Variants in CNTNAP2 observed in about 807,000 individuals in gnomAD.
The protein encoded by CNTNAP2 is contactin associated protein 2.
Under a neutral mutation model 155.2 loss-of-function variants are expected in CNTNAP2, and 98 were observed. The ratio of observed to expected loss-of-function variants is 0.63; its 90% CI spans 0.54 to 0.75. The LOEUF (loss-of-function observed/expected upper bound fraction) is 0.75, where lower values mean the gene tolerates loss of function less well. Among genes scored for constraint, CNTNAP2 ranks in the 30% least tolerant of loss-of-function variants. The pLI, the probability that CNTNAP2 is intolerant of heterozygous loss-of-function variation, is 0.00. For synonymous variants in CNTNAP2, 651 were observed against 631.2 expected, an observed-to-expected ratio of 1.03 and a Z score of -0.47; for missense variants, 1,727 against 1,688.1, an observed-to-expected ratio of 1.02 and a Z score of -0.40.
chr7:147,813,030 A>G (rs1798205911), intron 13 of CNTNAP2, among the ~76,000 whole-genome samples: 1 of 152,194 alleles, frequency 6.6e-6, no homozygotes, highest in Non-Finnish European at 1.5e-5. Context: ...ATTTAATTAA[A>G]CCACAGAATC....
chr7:147,251,072 G>A (rs781520299), intron 8 of CNTNAP2, among the ~76,000 whole-genome samples: 8 of 152,046 alleles, frequency 5.3e-5, no homozygotes, highest in Non-Finnish European at 1.2e-4. Flanking sequence ...CCAGGTGTTC[G>A]GCTAACCAAT....
chr7:147,497,590 C>T (rs190698923), intron 11 of CNTNAP2, among the ~76,000 whole-genome samples: 130 of 152,282 alleles, frequency 8.5e-4, no homozygotes, highest in African/African-American at 3.0e-3. Context: ...AAAATGCCTC[C>T]CATTTGTATT....
intron 3 of CNTNAP2, among the ~76,000 whole-genome samples, chr7:146,941,187 C>T (rs374668300): frequency 2.9e-4 from 44 of 152,102 alleles, no homozygotes; most frequent in African/African-American, 1.1e-3. Context: ...ATTCTTTCTT[C>T]TTCTCTTACT....
chr7:148,001,668 G>A (rs1399792827), intron 15 of CNTNAP2, among the ~76,000 whole-genome samples: 4 of 152,182 alleles, frequency 2.6e-5, no homozygotes, highest in African/African-American at 9.7e-5. Context: ...ATACATTAAT[G>A]TGCATCTTAA....
rs144494494 is a variant in CNTNAP2, at chr7:148,349,050, G to T, written c.3476-34599G>T. 4.1e-3 allele frequency among the ~76,000 whole-genome samples: 622 copies of T among 152,172 alleles called. 3 individuals carry two copies. Among genetic ancestry groups the T allele is most frequent in the African/African-American group, 0.014 (588 of 41,500 alleles). ...TGGGTGCTGGGGATAGATAGGCCAG[G>T]GAAGAAAGATTCGAAGCCCCTGCTT... On this transcript the variant is annotated intron_variant, in intron 21 of 23. Coordinates refer to ENST00000361727, the MANE Select transcript of CNTNAP2 (RefSeq NM_014141.6).
chr7:146,676,957 G>C (rs1800408856), intron 1 of CNTNAP2, among the ~76,000 whole-genome samples: 1 of 152,172 alleles, frequency 6.6e-6, no homozygotes, highest in South Asian at 2.1e-4. Context: ...ACACTAAAAA[G>C]TATCCAAGAC....
rs187004934 is a variant in CNTNAP2 at position 148,388,233 on chromosome 7, C to T, written c.3715+4345C>T. ...TATGTATACATGTGCCATGCTGGTA[C>T]GCTGCACCCACTAACTCATCATCTA... On this transcript the variant is annotated intron_variant, in intron 22 of 23. Coordinates refer to ENST00000361727, the MANE Select transcript of CNTNAP2 (RefSeq NM_014141.6). Among the ~76,000 whole-genome samples, 45 of 151,888 alleles carry T rather than the reference C, an allele frequency of 3.0e-4. No individual in the cohort carries two copies. In the East Asian group the frequency reaches 7.6e-3, roughly 26 times the overall value.
intron 1 of CNTNAP2, among the ~76,000 whole-genome samples, chr7:146,193,295 A>C (rs1223785054): frequency 4.6e-5 from 7 of 152,106 alleles, no homozygotes; most frequent in African/African-American, 1.7e-4. Context: ...GGGGGCTCCA[A>C]CCCCACATTT....
chr7:147,414,875 G>C (rs1033030186), intron 10 of CNTNAP2, among the ~76,000 whole-genome samples: 11 of 145,740 alleles, frequency 7.5e-5, no homozygotes, highest in Middle Eastern at 3.6e-3. Flanking sequence ...TTGGGGGGTG[G>C]AGCCTGCAGT....
chr7:146,867,518 A>G (rs1380627330), intron 3 of CNTNAP2, among the ~76,000 whole-genome samples: 1 of 151,934 alleles, frequency 6.6e-6, no homozygotes, highest in Non-Finnish European at 1.5e-5. Flanking sequence ...TGATTTATAT[A>G]CCTCTGGGTA....
At chr7:148,364,091 A>C (rs1798681714) in intron 21 of CNTNAP2, among the ~76,000 whole-genome samples, 4 of 152,230 alleles carry the variant, frequency 2.6e-5, no homozygotes, top group Admixed American at 6.5e-5. Context: ...TGAGCCTCCC[A>C]CCCACTCCAT....
In CNTNAP2 at chr7:148,109,040, G is replaced by A. The variant is rs527445068; in HGVS notation, c.2384-9078G>A. On this transcript the variant is annotated intron_variant, in intron 15 of 23. Coordinates refer to ENST00000361727, the MANE Select transcript of CNTNAP2 (RefSeq NM_014141.6). Reference sequence around the variant, plus strand: ...CAGGGGAAAAGCCTCAGGGTTTGTCGTCTTACTGTTCACACATTGAAGGAA... The same window carrying A: ...CAGGGGAAAAGCCTCAGGGTTTGTCATCTTACTGTTCACACATTGAAGGAA... Among the ~76,000 whole-genome samples the A allele has an allele frequency of 2.0e-4, 31 of 152,272 alleles. No homozygotes were observed. In the South Asian group the frequency reaches 5.2e-3, roughly 25 times the overall value.
At chr7:147,505,146 C>T (rs990294065) in intron 11 of CNTNAP2, among the ~76,000 whole-genome samples, 2 of 152,122 alleles carry the variant, frequency 1.3e-5, no homozygotes, top group African/African-American at 4.8e-5. Flanking sequence ...AGAAACAGTT[C>T]TCTCAGCACT....
chr7:146,226,998 TG>T (rs1562997466), intron 1 of CNTNAP2, among the ~76,000 whole-genome samples: 1 of 152,112 alleles, frequency 6.6e-6, no homozygotes, highest in Non-Finnish European at 1.5e-5. Flanking sequence ...TTATACTAAA[TG>T]AATGAAAAAG....
intron 3 of CNTNAP2, among the ~76,000 whole-genome samples, chr7:146,846,811 A>T (rs1294438275): frequency 6.6e-6 from 1 of 152,164 alleles, no homozygotes; most frequent in Admixed American, 6.6e-5. Flanking sequence ...AAAATGTTAT[A>T]ATCTCATAAG....
At chr7:146,977,177 T>C (rs1797929190) in intron 3 of CNTNAP2, among the ~76,000 whole-genome samples, 1 of 152,178 alleles carries the variant, frequency 6.6e-6, no homozygotes, top group Non-Finnish European at 1.5e-5. Flanking sequence ...GAGGCTACTA[T>C]TGTTTATGAC....
At chr7:147,285,147 A>G in intron 8 of CNTNAP2, among the ~76,000 whole-genome samples, 1 of 151,480 alleles carries the variant, frequency 6.6e-6, no homozygotes, top group East Asian at 2.0e-4. Context: ...GCAATTTAAG[A>G]ATAATTGTTT....
intron 1 of CNTNAP2, among the ~76,000 whole-genome samples, chr7:146,522,449 G>C (rs1048317677): frequency 6.6e-6 from 1 of 152,040 alleles, no homozygotes; most frequent in Admixed American, 6.6e-5. Context: ...TAGGACTAGG[G>C]TTTGTGATAA....
intron 3 of CNTNAP2, among the ~76,000 whole-genome samples, chr7:147,000,571 C>T (rs1798402602): frequency 6.6e-6 from 1 of 152,066 alleles, no homozygotes; most frequent in Non-Finnish European, 1.5e-5. Context: ...AGTGGGCCAC[C>T]TGGTGTGATC....
Sources: allele counts gnomAD v4.1 joint callset (sites outside exome capture counted in the v4.1 genomes callset), GRCh38; gene constraint gnomAD v4.1.1; transcripts MANE v1.5; gene names NCBI Gene and HGNC (gene_info 2026-07-23, HGNC 2026-07-21).